FGGY: variants seen among roughly 807,000 people sequenced by gnomAD.
The protein encoded by FGGY is FGGY carbohydrate kinase domain-containing protein.
Under a neutral mutation model 71.3 loss-of-function variants are expected in FGGY, and 72 were observed. That is an observed-to-expected ratio of 1.01 (90% CI 0.84 to 1.23). The LOEUF is 1.23. Ranked by LOEUF, FGGY falls within the 50% of genes most tolerant of loss-of-function variation. The probability of loss-of-function intolerance (pLI) is 0.00; values close to 1 mark genes in which losing one functional copy is unlikely to be tolerated. For synonymous variants in FGGY, 251 were observed against 250.3 expected (o/e 1.00, Z -0.02); for missense variants, 668 against 682.3 (o/e 0.98, Z 0.23).
chr1:59,705,124 A>C (rs1237770284), intron 14 of FGGY, among the ~76,000 whole-genome samples: 1 of 151,830 alleles, frequency 6.6e-6, no homozygotes, highest in Non-Finnish European at 1.5e-5. Context: ...TTCCTCATTG[A>C]TTTAGAGGAG....
intron 14 of FGGY, among the ~76,000 whole-genome samples, chr1:59,704,272 G>C (rs559206563): frequency 2.0e-5 from 3 of 152,016 alleles, no homozygotes; most frequent in African/African-American, 7.2e-5. Context: ...AGATAACCCC[G>C]AGCACAAAGC....
At chr1:59,723,567 G>T (rs1284549407) in intron 14 of FGGY, among the ~76,000 whole-genome samples, 1 of 149,624 alleles carries the variant, frequency 6.7e-6, no homozygotes, top group Non-Finnish European at 1.5e-5. Context: ...TTTTTTTGGG[G>T]GGGGGTGGTT....
intron 5 of FGGY, among the ~76,000 whole-genome samples, chr1:59,441,269 T>C (rs1165237583): frequency 6.6e-6 from 1 of 152,214 alleles, no homozygotes; most frequent in East Asian, 1.9e-4. Context: ...TATGAATGGC[T>C]AGAGCATTCT....
chr1:59,476,149 G>A, intron 6 of FGGY, among the ~76,000 whole-genome samples: 1 of 152,022 alleles, frequency 6.6e-6, no homozygotes, highest in East Asian at 1.9e-4. Context: ...CTTTCTCTTT[G>A]TTCAGATCTC....
chr1:59,671,233 C>T (rs752985551), intron 13 of FGGY, among the ~76,000 whole-genome samples: 1 of 152,182 alleles, frequency 6.6e-6, no homozygotes, highest in African/African-American at 2.4e-5. Context: ...CGGTGTCAGT[C>T]AGGTCCAGGC....
chr1:59,405,689 G>A (rs910154491), intron 5 of FGGY, among the ~76,000 whole-genome samples: 3 of 152,156 alleles, frequency 2.0e-5, no homozygotes, highest in African/African-American at 7.2e-5. Context: ...TACTCAGGAA[G>A]GTAACTTGTA....
intron 6 of FGGY, among the ~76,000 whole-genome samples, chr1:59,463,022 G>A (rs914576764): frequency 7.2e-5 from 11 of 152,164 alleles, no homozygotes; most frequent in South Asian, 2.1e-4. Flanking sequence ...TGTTTATTGC[G>A]GCTCTGTTCA....
At chr1:59,352,148 G>A (rs1379734047) in intron 4 of FGGY, among the ~76,000 whole-genome samples, 1 of 152,122 alleles carries the variant, frequency 6.6e-6, no homozygotes, top group Non-Finnish European at 1.5e-5. Context: ...CTTAATGAAG[G>A]CCAAATGTAA....
At chr1:59,349,214 TGCA>T (rs1474449546) in intron 4 of FGGY, among the ~76,000 whole-genome samples, 19 of 152,184 alleles carry the variant, frequency 1.2e-4, no homozygotes, top group African/African-American at 4.3e-4. Context: ...CATCATGTCA[TGCA>T]GTAGTAAAAT....
intron 1 of FGGY, among the ~76,000 whole-genome samples, chr1:59,298,606 G>GTTCCCTTTACCTAACCT (rs1441820273): frequency 6.6e-6 from 1 of 152,118 alleles, no homozygotes; most frequent in Non-Finnish European, 1.5e-5. Flanking sequence ...AGTTTAAATA[G>GTTCCCTTTACCTAACCT]TTCCCTTTAC....
intron 8 of FGGY, among the ~76,000 whole-genome samples, chr1:59,566,835 A>G (rs946625760): frequency 1.3e-5 from 2 of 152,200 alleles, no homozygotes; most frequent in African/African-American, 4.8e-5. Context: ...TTTTTAAAAC[A>G]TCTAGAGAAC....
At chr1:59,644,617 G>GCCCCCCC (rs796675574) in intron 11 of FGGY, among the ~76,000 whole-genome samples, 4 of 149,736 alleles carry the variant, frequency 2.7e-5, no homozygotes, top group African/African-American at 7.4e-5. Context: ...AGACAGACAC[G>GCCCCCCC]CCCCCCCCCA....
intron 7 of FGGY, among the ~76,000 whole-genome samples, chr1:59,539,061 TAGGA>T (rs562544019): frequency 2.2e-4 from 34 of 152,160 alleles, no homozygotes; most frequent in African/African-American, 7.7e-4. Context: ...ATTAAGTACC[TAGGA>T]AGGAAGATGT....
intron 8 of FGGY, among the ~76,000 whole-genome samples, chr1:59,597,068 T>C (rs1301152913): frequency 6.6e-6 from 1 of 152,220 alleles, no homozygotes; most frequent in Non-Finnish European, 1.5e-5. Context: ...ATGGAAAGTT[T>C]TGAATTCTTT....
rs148045983 is a variant in FGGY at position 59,424,420 on chromosome 1, G to A, written c.555-32541G>A. On this transcript the variant is annotated intron_variant, in intron 5 of 15. Transcript: ENST00000303721. Reference sequence around the variant, plus strand: ...AAATTAGCTGGACGTGGTGGCACACGCCTGTAATTCCAGCTACTCGGGAAG... The same window carrying A: ...AAATTAGCTGGACGTGGTGGCACACACCTGTAATTCCAGCTACTCGGGAAG... Among the ~76,000 whole-genome samples the A allele has an allele frequency of 3.2e-3, 483 of 152,284 alleles. 1 individual carries two copies. The highest frequency in any genetic ancestry group is 0.011 in the African/African-American group (451 of 41,570).
intron 5 of FGGY, among the ~76,000 whole-genome samples, chr1:59,448,144 A>G (rs1375617673): frequency 1.3e-5 from 2 of 151,806 alleles, no homozygotes; most frequent in African/African-American, 4.9e-5. Context: ...TACTACTACC[A>G]TGGTTTTTGG....
At chr1:59,490,002 T>C (rs1484663748) in intron 6 of FGGY, among the ~76,000 whole-genome samples, 1 of 152,186 alleles carries the variant, frequency 6.6e-6, no homozygotes. Flanking sequence ...TTGTTGTCCA[T>C]TTATATGTCT....
intron 14 of FGGY, among the ~76,000 whole-genome samples, chr1:59,736,721 C>T (rs921255856): frequency 1.1e-4 from 17 of 152,246 alleles, no homozygotes; most frequent in East Asian, 3.9e-4. Context: ...AAAAGGAAAA[C>T]GGAGCATGAA....
At position 59,761,426 on chromosome 1, in the gene FGGY, C is replaced by G. The variant is rs79580531; in HGVS notation, c.1575-1077C>G. Among the ~76,000 whole-genome samples, 1,253 of 152,230 alleles carry G rather than the reference C, an allele frequency of 8.2e-3. 9 individuals are homozygous for G. The highest frequency in any genetic ancestry group is 0.014 in the Middle Eastern group (4 of 294). On this transcript the variant is annotated intron_variant, in intron 15 of 15. Coordinates refer to ENST00000303721, the MANE Select transcript of FGGY (RefSeq NM_018291.5). ...CTCTCTGCCAATGCACAACTTTGCA[C>G]CAAAATTTCATCATGAGGACTCCTT...
Sources: gnomAD v4.1 joint callset for allele counts (sites outside exome capture counted in the v4.1 genomes callset) on GRCh38, gnomAD v4.1.1 for gene constraint, MANE v1.5 for transcripts, NCBI Gene and HGNC (gene_info 2026-07-23, HGNC 2026-07-21) for gene names.